KIAA1217: variants seen among roughly 807,000 people sequenced by gnomAD.
KIAA1217 encodes sickle tail protein homolog.
A neutral mutation model predicts 163.9 loss-of-function variants in KIAA1217; 88 were observed. That is an observed-to-expected ratio of 0.54 (90% CI 0.45 to 0.64). The LOEUF is 0.64. Among genes scored for constraint, KIAA1217 ranks in the 30% least tolerant of loss-of-function variants. The pLI, the probability that KIAA1217 is intolerant of heterozygous loss-of-function variation, is 0.00. For synonymous variants in KIAA1217, 903 were observed against 923.1 expected, an observed-to-expected ratio of 0.98 and a Z score of 0.39; for missense variants, 2,372 against 2,475.0, an observed-to-expected ratio of 0.96 and a Z score of 0.88.
At chr10:24,128,557 A>C (rs2063546071) in intron 2 of KIAA1217, among the ~76,000 whole-genome samples, 1 of 152,164 alleles carries the variant, frequency 6.6e-6, no homozygotes, top group African/African-American at 2.4e-5. Context: ...ATTGATGTGC[A>C]GCTTCGCATG....
intron 1 of KIAA1217, among the ~76,000 whole-genome samples, chr10:23,697,053 T>C (rs1487714672): frequency 1.3e-5 from 2 of 152,210 alleles, no homozygotes; most frequent in Non-Finnish European, 2.9e-5. Context: ...TTGTTTTCTA[T>C]CTTTATGCAA....
intron 16 of KIAA1217, 22 bp from the exon 17 acceptor site, chr10:24,536,752 C>A: frequency 6.2e-7 from 1 of 1,611,764 alleles, no homozygotes; most frequent in Non-Finnish European, 8.5e-7. Flanking sequence ...TCCCTGTTAA[C>A]CTCAGTATTT....
chr10:24,414,502 G>C (rs2058065855), intron 3 of KIAA1217, among the ~76,000 whole-genome samples: 1 of 152,178 alleles, frequency 6.6e-6, no homozygotes, highest in African/African-American at 2.4e-5. Context: ...TTATAGGGTT[G>C]ATTGCTTTTT....
intron 9 of KIAA1217, among the ~76,000 whole-genome samples, chr10:24,506,932 T>A (rs2068444451): frequency 6.6e-6 from 1 of 152,214 alleles, no homozygotes; most frequent in Non-Finnish European, 1.5e-5. Context: ...GCATGTACAG[T>A]GTGAAAGCAA....
chr10:24,082,610 G>A (rs1271449737), intron 2 of KIAA1217, among the ~76,000 whole-genome samples: 2 of 152,192 alleles, frequency 1.3e-5, no homozygotes, highest in Non-Finnish European at 2.9e-5. Context: ...ATTCTATGGT[G>A]TATATGTACC....
chr10:24,144,416 A>C (rs908860509), intron 2 of KIAA1217, among the ~76,000 whole-genome samples: 1 of 152,234 alleles, frequency 6.6e-6, no homozygotes, highest in South Asian at 2.1e-4. Context: ...TACATGTTTT[A>C]AAATGTGTTT....
At chr10:24,433,233 AGAGTTTT>A (rs1369432679) in intron 4 of KIAA1217, 40 bp downstream of exon 4, 1 of 1,525,958 alleles carries the variant, frequency 6.6e-7, no homozygotes, top group East Asian at 2.3e-5. Context: ...ATTTTGCCTT[AGAGTTTT>A]TTTTGTTTTT....
chr10:24,209,323 T>A, intron 1 of KIAA1217, 60 bp downstream of exon 1: 1 of 1,310,436 alleles, frequency 7.6e-7, no homozygotes. Flanking sequence ...TGCCGCTTGC[T>A]GCTTTTTATA....
At position 24,546,215 on chromosome 10, in the gene KIAA1217, A is replaced by G; in HGVS notation, c.5723A>G (p.Gln1908Arg). Residue 1908 changes from glutamine to arginine, a missense_variant, in exon 21 of 21, where the codon CAA (glutamine) becomes CGA (arginine). By Grantham distance (43) the Gln-to-Arg change is conservative (BLOSUM62 1). This residue lies in a region of KIAA1217 where 690 missense variants were observed against 677.5 expected (regional missense o/e 1.02). Transcript: ENST00000376454. ...CCTGCCTCCTCCGTCTCACTGAATC[A>G]AGGTGCCAAGGGCACCAGGACCATC... ...PSPASSVSLN[Q>R]GAKGTRTIHT... 1 of 1,614,196 alleles carries G rather than the reference A, an allele frequency of 6.2e-7. No homozygotes were observed. Among genetic ancestry groups the G allele is most frequent in the Non-Finnish European group, 8.5e-7 (1 of 1,180,034 alleles).
chr10:23,821,743 T>C lies in KIAA1217; in HGVS notation c.-321+126509T>C, dbSNP rs181387137. Among the ~76,000 whole-genome samples, 49 of 152,348 alleles carry C rather than the reference T, an allele frequency of 3.2e-4. 2 individuals carry two copies. The East Asian group carries it at 3.7e-3, about 11-fold the overall frequency. ...ATCTGTTTTTGCCTGTTAGTTAGGT[T>C]TTACCTCTGACACCCAACATCAGTC... On this transcript the variant is annotated intron_variant, in intron 1 of 18. Coordinates refer to the KIAA1217 transcript ENST00000376462.
At chr10:23,809,669 T>C (rs186346333) in intron 1 of KIAA1217, among the ~76,000 whole-genome samples, 2 of 152,142 alleles carry the variant, frequency 1.3e-5, no homozygotes, top group East Asian at 1.9e-4. Flanking sequence ...ACAGTGTCAC[T>C]AAAATGAAGT....
chr10:24,239,762 T>C (rs1159778897), intron 2 of KIAA1217, among the ~76,000 whole-genome samples: 1 of 151,982 alleles, frequency 6.6e-6, no homozygotes, highest in Non-Finnish European at 1.5e-5. Flanking sequence ...CTATGGGTAG[T>C]TTTGTATTTT....
chr10:24,238,160 C>T (rs1049534393), intron 2 of KIAA1217, among the ~76,000 whole-genome samples: 6 of 152,204 alleles, frequency 3.9e-5, no homozygotes, highest in Admixed American at 2.6e-4. Flanking sequence ...CTGCTGTTTC[C>T]AAAACTCTGC....
At chr10:23,850,335 A>G (rs562327314) in intron 1 of KIAA1217, among the ~76,000 whole-genome samples, 1 of 152,286 alleles carries the variant, frequency 6.6e-6, no homozygotes, top group South Asian at 2.1e-4. Context: ...TAAGTCTCCC[A>G]GAATAGCACA....
chr10:23,922,127 A>T (rs1180175454), intron 1 of KIAA1217, among the ~76,000 whole-genome samples: 1 of 151,972 alleles, frequency 6.6e-6, no homozygotes, highest in African/African-American at 2.4e-5. Context: ...ACATAATGCA[A>T]CCTCTGGCCA....
intron 1 of KIAA1217, among the ~76,000 whole-genome samples, chr10:23,987,677 A>T (rs894939677): frequency 6.6e-6 from 1 of 151,610 alleles, no homozygotes; most frequent in African/African-American, 2.4e-5. Context: ...TCTCTTAGCA[A>T]TTTTTAAGAA....
chr10:23,989,973 C>A (rs974111440), intron 1 of KIAA1217, among the ~76,000 whole-genome samples: 1 of 152,148 alleles, frequency 6.6e-6, no homozygotes, highest in Non-Finnish European at 1.5e-5. Context: ...ATGGCAAGTG[C>A]CTTGGTCAGA....
chr10:24,365,345 C>T (rs1281749202), intron 2 of KIAA1217, among the ~76,000 whole-genome samples: 1 of 152,026 alleles, frequency 6.6e-6, no homozygotes, highest in Non-Finnish European at 1.5e-5. Context: ...TCCTGGTTCT[C>T]CTCCCGCAGC....
At chr10:24,350,336 G>A (rs1300020108) in intron 2 of KIAA1217, among the ~76,000 whole-genome samples, 1 of 152,168 alleles carries the variant, frequency 6.6e-6, no homozygotes, top group Non-Finnish European at 1.5e-5. Flanking sequence ...TAGCCTTTAC[G>A]AAATTAGGAG....
Sources: allele counts gnomAD v4.1 joint callset (sites outside exome capture counted in the v4.1 genomes callset), GRCh38; gene constraint gnomAD v4.1.1; regional missense constraint gnomAD v4.1.1; transcripts MANE v1.5; gene names NCBI Gene and HGNC (gene_info 2026-07-23, HGNC 2026-07-21).